Variants in MYO10 observed in about 807,000 individuals in gnomAD.
MYO10 encodes myosin X.
Under a neutral mutation model 257.3 loss-of-function variants are expected in MYO10, and 133 were observed. The observed-to-expected ratio is 0.52, with a 90% CI of 0.45 to 0.60. The LOEUF is 0.60. Ranked by LOEUF, MYO10 falls within the 20% of genes least tolerant of loss-of-function variation. MYO10 has a pLI of 0.00. For synonymous variants in MYO10, 1,104 were observed against 1,028.6 expected, an observed-to-expected ratio of 1.07 and a Z score of -1.40; for missense variants, 2,399 against 2,635.7, an observed-to-expected ratio of 0.91 and a Z score of 1.97.
At chr5:16,725,597 T>A (rs1739332826) in intron 19 of MYO10, among the ~76,000 whole-genome samples, 1 of 152,170 alleles carries the variant, frequency 6.6e-6, no homozygotes. Flanking sequence ...GTGTGGGAAA[T>A]GCTCTCAGCT....
At chr5:16,932,204 C>G (rs1478646321) in intron 1 of MYO10, among the ~76,000 whole-genome samples, 1 of 152,206 alleles carries the variant, frequency 6.6e-6, no homozygotes, top group Non-Finnish European at 1.5e-5. Context: ...TACTTGTGTA[C>G]ATTTTACATA....
At chr5:16,720,024 A>ATGTGTG (rs1232727693) in intron 19 of MYO10, among the ~76,000 whole-genome samples, 2 of 136,082 alleles carry the variant, frequency 1.5e-5, no homozygotes, top group African/African-American at 6.0e-5. Context: ...GTGTGTGTGT[A>ATGTGTG]TATGTATGTA....
Position 16,681,355 on chromosome 5 carries a change from G to A in MYO10, c.4338C>T (p.Ser1446=). 6.2e-7 allele frequency: 1 copy of A among 1,613,876 alleles called. No individual in the cohort carries two copies. Among genetic ancestry groups the A allele is most frequent in the Non-Finnish European group, 8.5e-7 (1 of 1,179,870 alleles). ...ALKLGTLVLN[S]LCSVVPPDEK... ...CATCTGGGGGGACGACAGAGCAGAG[G>A]CTGTTGAGGACCAGGGTCCCCAGTT... is the stretch of plus-strand genomic sequence containing the variant. Residue 1446 remains serine, a synonymous_variant, in exon 32 of 41, where the codon AGC becomes AGT. Transcript: ENST00000513610.
intron 21 of MYO10, among the ~76,000 whole-genome samples, chr5:16,705,798 G>A (rs1738300947): frequency 6.6e-6 from 1 of 152,074 alleles, no homozygotes; most frequent in Admixed American, 6.6e-5. Flanking sequence ...CCTGCTCTGG[G>A]TAAAACTCCA....
At chr5:16,769,635 C>T (rs568810323) in intron 9 of MYO10, among the ~76,000 whole-genome samples, 8 of 150,234 alleles carry the variant, frequency 5.3e-5, no homozygotes, top group African/African-American at 1.7e-4. Flanking sequence ...CCACCGCGCC[C>T]GCCCAATAGC....
In MYO10 at chr5:16,701,679, G is replaced by C. The variant is rs1738086372; in HGVS notation, c.2716C>G (p.Gln906Glu). The change falls in exon 25 of 41, where the codon CAG becomes GAG. Residue 906 changes from glutamine (Q) to glutamate (E), a missense_variant. By Grantham distance (29) the Gln-to-Glu change is conservative. Around this residue, in one of 3 missense-constraint regions of MYO10, gnomAD observed 1,820 missense variants for 1,939.4 expected, o/e 0.94. Transcript: ENST00000513610. This position sits in a 1 kb window ranked among gnomAD's most constrained non-coding sequence, Gnocchi z 8.1. The stretch of plus-strand genomic sequence containing the variant: ...GCCTCGGTCAGCGACAGCTCCTGCT[G>C]CTCCTTCATGCGCTGCAGGTCCTCG... Reference protein sequence around the residue: ...EIEDLQRMKEQQELSLTEASL... With the variant: ...EIEDLQRMKEEQELSLTEASL... The C allele has an allele frequency of 1.2e-6, 2 of 1,613,918 alleles. No individual in the cohort carries two copies. The highest frequency in any genetic ancestry group is 1.7e-6 in the Non-Finnish European group (2 of 1,179,862).
intron 19 of MYO10, among the ~76,000 whole-genome samples, chr5:16,741,075 G>T (rs1379106930): frequency 2.0e-5 from 3 of 152,134 alleles, no homozygotes; most frequent in African/African-American, 7.2e-5. Flanking sequence ...GGCACATTTA[G>T]CAACTGAATA....
At chr5:16,749,677 C>T (rs1383927543) in intron 19 of MYO10, among the ~76,000 whole-genome samples, 4 of 152,120 alleles carry the variant, frequency 2.6e-5, no homozygotes, top group Non-Finnish European at 5.9e-5. Context: ...GAACCCATGA[C>T]GTTTCCTTCC....
At chr5:16,729,630 G>C (rs1478358303) in intron 19 of MYO10, among the ~76,000 whole-genome samples, 1 of 151,982 alleles carries the variant, frequency 6.6e-6, no homozygotes, top group Non-Finnish European at 1.5e-5. Flanking sequence ...ATTTTTAGTA[G>C]AGATGGGGTT....
intron 19 of MYO10, among the ~76,000 whole-genome samples, chr5:16,743,583 C>A (rs1385433019): frequency 6.6e-6 from 1 of 151,660 alleles, no homozygotes; most frequent in Non-Finnish European, 1.5e-5. Context: ...GCAGTGGTTG[C>A]AGTGAGCCGA....
chr5:16,766,224 T>C (rs749305316), intron 10 of MYO10, 26 bp from the exon 11 acceptor site: 2 of 1,565,346 alleles, frequency 1.3e-6, no homozygotes, highest in Non-Finnish European at 1.8e-6. Flanking sequence ...CAAAGGTGAA[T>C]GAACCCACCG....
intron 19 of MYO10, among the ~76,000 whole-genome samples, chr5:16,732,378 G>T (rs146108060): frequency 2.0e-5 from 3 of 152,134 alleles, no homozygotes; most frequent in African/African-American, 7.2e-5. Context: ...CTCCCCCTTG[G>T]GTATAATCTG....
chr5:16,757,223 G>A (rs949427309), intron 18 of MYO10, among the ~76,000 whole-genome samples: 1 of 148,900 alleles, frequency 6.7e-6, no homozygotes, highest in East Asian at 2.0e-4. Context: ...CTGGGAGTTT[G>A]AGGCTGCAGT....
At chr5:16,798,233 G>A (rs1742023884) in intron 3 of MYO10, among the ~76,000 whole-genome samples, 1 of 152,138 alleles carries the variant, frequency 6.6e-6, no homozygotes, top group African/African-American at 2.4e-5. Context: ...TCCTGTTTTG[G>A]CAGCAGAAAG....
intron 1 of MYO10, among the ~76,000 whole-genome samples, chr5:16,879,370 G>A (rs192265955): frequency 2.0e-5 from 3 of 152,220 alleles, no homozygotes; most frequent in East Asian, 1.9e-4. Flanking sequence ...AGTTGGCAGG[G>A]GATAAATGAC....
chr5:16,841,718 A>T (rs1237173136), intron 2 of MYO10, among the ~76,000 whole-genome samples: 1 of 152,162 alleles, frequency 6.6e-6, no homozygotes, highest in East Asian at 1.9e-4. Flanking sequence ...GTTCTATTTG[A>T]ACTTTTAACA....
intron 2 of MYO10, among the ~76,000 whole-genome samples, chr5:16,846,915 T>G (rs1743650845): frequency 6.6e-6 from 1 of 151,490 alleles, no homozygotes; most frequent in Non-Finnish European, 1.5e-5. Context: ...GTCAGGAGTT[T>G]GAGACCAGCC....
At chr5:16,897,690 G>T (rs2562350) in intron 1 of MYO10, among the ~76,000 whole-genome samples, 69,915 of 151,948 alleles carry the variant, frequency 0.46, 16,207 homozygotes, top group Admixed American at 0.54. Flanking sequence ...TTATCTCCAC[G>T]GCCTCCATTT....
intron 17 of MYO10, among the ~76,000 whole-genome samples, 196 bp from the exon 18 acceptor site, chr5:16,758,422 T>C (rs930176705): frequency 6.6e-6 from 1 of 152,194 alleles, no homozygotes; most frequent in Non-Finnish European, 1.5e-5. Context: ...CACGTGGCAG[T>C]GTCAGAGACC....
Sources: allele counts gnomAD v4.1 joint callset (sites outside exome capture counted in the v4.1 genomes callset), GRCh38; gene constraint gnomAD v4.1.1; regional missense constraint gnomAD v4.1.1; non-coding constraint Gnocchi (gnomAD v3.1); transcripts MANE v1.5; gene names NCBI Gene and HGNC (gene_info 2026-07-23, HGNC 2026-07-21).